Variants in PIGL observed in about 807,000 individuals in gnomAD.
PIGL encodes phosphatidylinositol glycan anchor biosynthesis class L.
In PIGL, 22 loss-of-function variants were observed where a neutral mutation model predicts 31.1. The observed-to-expected ratio is 0.71, with a 90% CI of 0.51 to 1.01. PIGL has a LOEUF of 1.01. Ranked by LOEUF, PIGL falls within the 50% of genes least tolerant of loss-of-function variation. The probability of loss-of-function intolerance (pLI) is 0.00; values close to 1 mark genes in which losing one functional copy is unlikely to be tolerated. For missense variants in PIGL, 302 were observed against 315.9 expected (o/e 0.96, Z 0.33); for synonymous variants, 131 against 117.4 (o/e 1.12, Z -0.75).
At chr17:16,245,719 C>CAT (rs945157288) in intron 2 of PIGL, among the ~76,000 whole-genome samples, 14 of 150,406 alleles carry the variant, frequency 9.3e-5, no homozygotes, top group African/African-American at 2.7e-4. Flanking sequence ...TATATACACA[C>CAT]ATATATATAT....
In PIGL at chr17:16,266,788, G is replaced by A. The variant is rs143791520; in HGVS notation, c.335+32718G>A. ...TTTTTTTTGTATTTTTAGTAGAGACGGGGTTTCACCGTGTTAGCCAGGATG... is the reference window on the plus strand; with the variant it reads ...TTTTTTTTGTATTTTTAGTAGAGACAGGGTTTCACCGTGTTAGCCAGGATG... On this transcript the variant is annotated intron_variant, in intron 2 of 6. Transcript: ENST00000225609. 7.2e-3 allele frequency among the ~76,000 whole-genome samples: 1,088 copies of A among 151,762 alleles called. 14 individuals carry two copies. The highest frequency in any genetic ancestry group is 0.025 in the African/African-American group (1,041 of 41,388).
intron 6 of PIGL, among the ~76,000 whole-genome samples, chr17:16,324,829 A>G (rs2093120406): frequency 6.6e-6 from 1 of 152,166 alleles, no homozygotes; most frequent in Non-Finnish European, 1.5e-5. Context: ...TAAAAACTGA[A>G]CTATACTAGG....
At chr17:16,266,482 A>G (rs1209675415) in intron 2 of PIGL, among the ~76,000 whole-genome samples, 2 of 151,890 alleles carry the variant, frequency 1.3e-5, no homozygotes, top group Non-Finnish European at 2.9e-5. Context: ...TCATGGCTTC[A>G]TATCTATGAA....
intron 2 of PIGL, among the ~76,000 whole-genome samples, chr17:16,297,969 C>T (rs1227857473): frequency 3.9e-5 from 6 of 152,158 alleles, no homozygotes; most frequent in African/African-American, 1.4e-4. Context: ...GTCAGATCAG[C>T]AGTGGAATTA....
chr17:16,229,903 C>T (rs1192337672), intron 1 of PIGL, among the ~76,000 whole-genome samples: 2 of 119,100 alleles, frequency 1.7e-5, no homozygotes, highest in African/African-American at 6.5e-5. Flanking sequence ...CGCTCTGTCA[C>T]CAGGCTGGAG....
chr17:16,257,931 C>T (rs1225819015), intron 2 of PIGL, among the ~76,000 whole-genome samples: 7 of 151,466 alleles, frequency 4.6e-5, no homozygotes, highest in African/African-American at 7.3e-5. Context: ...GGTGTTGTGG[C>T]GGGCACCTGT....
At chr17:16,276,401 G>C (rs1445158828) in intron 2 of PIGL, among the ~76,000 whole-genome samples, 1 of 152,148 alleles carries the variant, frequency 6.6e-6, no homozygotes, top group Non-Finnish European at 1.5e-5. Context: ...TAAGCAGTCA[G>C]TTTAAATTGC....
chr17:16,287,607 G>A (rs1292002214), intron 2 of PIGL, among the ~76,000 whole-genome samples: 1 of 152,164 alleles, frequency 6.6e-6, no homozygotes, highest in Non-Finnish European at 1.5e-5. Flanking sequence ...ATATATTTCT[G>A]TTCCTCTTTC....
At chr17:16,320,582 G>T (rs1347756465) in intron 6 of PIGL, among the ~76,000 whole-genome samples, 2 of 152,050 alleles carry the variant, frequency 1.3e-5, no homozygotes, top group South Asian at 4.1e-4. Context: ...AAATCTAAGA[G>T]AATAGAAACT....
chr17:16,262,768 G>A (rs1267444068), intron 2 of PIGL, among the ~76,000 whole-genome samples: 5 of 152,164 alleles, frequency 3.3e-5, no homozygotes, highest in Non-Finnish European at 7.3e-5. Flanking sequence ...GTATATGAAT[G>A]TTCATAGCAA....
At chr17:16,275,290 CT>C (rs979742150) in intron 2 of PIGL, among the ~76,000 whole-genome samples, 1 of 152,144 alleles carries the variant, frequency 6.6e-6, no homozygotes, top group African/African-American at 2.4e-5. Context: ...GTGGGAGTGT[CT>C]TTTAGCATGC....
intron 3 of PIGL, among the ~76,000 whole-genome samples, chr17:16,302,495 G>C (rs1264747002): frequency 6.6e-6 from 1 of 152,164 alleles, no homozygotes; most frequent in Non-Finnish European, 1.5e-5. Context: ...TTCCATGCTA[G>C]TGCCTTCCCA....
chr17:16,239,311 G>A (rs1192353014), intron 2 of PIGL, among the ~76,000 whole-genome samples: 2 of 151,518 alleles, frequency 1.3e-5, no homozygotes, highest in Non-Finnish European at 2.9e-5. Context: ...GTGAAACCCC[G>A]TCTCTACTAA....
At chr17:16,300,206 G>A in intron 3 of PIGL, 1 of 495,550 alleles carries the variant, frequency 2.0e-6, no homozygotes, top group South Asian at 2.8e-5. Context: ...AATTATCAGT[G>A]CTCAGATAGA....
Position 16,325,919 on chromosome 17 carries a change from T to C in PIGL, c.*21T>C. ...TCTGAAGCCTTGAAGGGTTTTCAGA[T>C]CCAAGGAACAAAGGGGAAAATAGAC... On this transcript the variant is annotated 3_prime_UTR_variant, in exon 7 of 7. Coordinates refer to ENST00000225609, the MANE Select transcript of PIGL (RefSeq NM_004278.4). 6.6e-7 allele frequency: 1 copy of C among 1,521,670 alleles called. No homozygotes were observed. The highest frequency in any genetic ancestry group is 1.1e-5 in the South Asian group (1 of 89,262). The allele number at this position is 1,521,670 out of a possible 1,614,324, so 94.3% of individuals were successfully genotyped here.
intron 2 of PIGL, among the ~76,000 whole-genome samples, chr17:16,255,238 T>C (rs2092789255): frequency 6.6e-6 from 1 of 152,226 alleles, no homozygotes; most frequent in Non-Finnish European, 1.5e-5. Context: ...TCTCTCTTCC[T>C]GTTCCTGATT....
rs551766495 is a variant in PIGL, at chr17:16,251,446, G to A, written c.335+17376G>A. Among the ~76,000 whole-genome samples, 4 of 150,882 alleles carry A rather than the reference G, an allele frequency of 2.7e-5. No homozygotes were observed. In the East Asian group the frequency reaches 7.8e-4, roughly 29 times the overall value. On this transcript the variant is annotated intron_variant, in intron 2 of 6. Coordinates refer to ENST00000225609, the MANE Select transcript of PIGL (RefSeq NM_004278.4). ...TCAAAAAAAAAAAAAAAAGACCAAC[G>A]TGGGTTTATGAGTACATTTAATTGA...
rs1441257749 is a variant in PIGL, at chr17:16,317,791, G to A, written c.543G>A (p.Thr181=). 4.3e-6 allele frequency: 7 copies of A among 1,613,884 alleles called. No homozygotes were observed. The highest frequency in any genetic ancestry group is 1.3e-5 in the African/African-American group (1 of 74,936). The change falls in exon 6 of 7, where the codon ACG becomes ACA. Residue 181 remains threonine, a synonymous_variant. Transcript: ENST00000225609. ...TCCATCCAGGGTGCTCTGTGCTCACGCTTCAGTCTGTGAATGTGCTGCGCA... is the reference window on the plus strand; with the variant it reads ...TCCATCCAGGGTGCTCTGTGCTCACACTTCAGTCTGTGAATGTGCTGCGCA... ...GKLPKGCSVL[T]LQSVNVLRKY...
chr17:16,275,442 T>C (rs2092890807), intron 2 of PIGL, among the ~76,000 whole-genome samples: 1 of 152,202 alleles, frequency 6.6e-6, no homozygotes, highest in South Asian at 2.1e-4. Context: ...GTGTATTTTG[T>C]GCTGACCTCC....
Sources: allele counts gnomAD v4.1 joint callset (sites outside exome capture counted in the v4.1 genomes callset), GRCh38; gene constraint gnomAD v4.1.1; transcripts MANE v1.5; gene names NCBI Gene and HGNC (gene_info 2026-07-23, HGNC 2026-07-21).